The following WDR31 variants were observed in gnomAD, a reference collection of about 807,000 sequenced individuals.
WDR31 encodes the protein WD repeat-containing protein 31.
In WDR31, 30 loss-of-function variants were observed where a neutral mutation model predicts 47.3. That is an observed-to-expected ratio of 0.63 (90% CI 0.47 to 0.86). WDR31 has a LOEUF of 0.86. WDR31 is among the 40% of genes least tolerant of loss of function. The probability of loss-of-function intolerance (pLI) is 0.00; values close to 1 mark genes in which losing one functional copy is unlikely to be tolerated. For synonymous variants in WDR31, 137 were observed against 159.4 expected (o/e 0.86, Z 1.06); for missense variants, 406 against 442.9 (o/e 0.92, Z 0.75).
In WDR31 at chr9:113,321,469, A is replaced by T. The variant is rs773888513; in HGVS notation, c.638+42T>A. The stretch of plus-strand genomic sequence containing the variant: ...GAGCCATGTATGCATGGGAGCCACA[A>T]ACCTCACAAGAAACACTTTCACAGC... On this transcript the variant is annotated intron_variant, in intron 8 of 10. Coordinates refer to ENST00000374193, the MANE Select transcript of WDR31 (RefSeq NM_001012361.4). The T allele has an allele frequency of 3.1e-6, 5 of 1,602,628 alleles. No individual in the cohort carries two copies. The African/African-American group carries it at 6.7e-5, about 21-fold the overall frequency.
intron 1 of WDR31, among the ~76,000 whole-genome samples, chr9:113,337,905 C>T (rs1588053218): frequency 6.6e-6 from 1 of 152,290 alleles, no homozygotes; most frequent in Middle Eastern, 3.4e-3. Flanking sequence ...ACCTGTATGG[C>T]CATTTTGCAG....
intron 5 of WDR31, among the ~76,000 whole-genome samples, chr9:113,327,283 A>G (rs1833493646): frequency 2.0e-5 from 3 of 152,220 alleles, no homozygotes; most frequent in African/African-American, 7.2e-5. Context: ...TGTTATATGT[A>G]TATTTAAAAA....
chr9:113,327,959 G>C (rs1006909452), intron 5 of WDR31, among the ~76,000 whole-genome samples: 1 of 151,456 alleles, frequency 6.6e-6, no homozygotes, highest in African/African-American at 2.4e-5. Flanking sequence ...AAAAATTCCT[G>C]GCCTCAAATG....
At chr9:113,320,786 C>T (rs1833311219) in intron 8 of WDR31, among the ~76,000 whole-genome samples, 1 of 152,126 alleles carries the variant, frequency 6.6e-6, no homozygotes, top group African/African-American at 2.4e-5. Context: ...TAATTTGGTC[C>T]TTTGAGACAC....
intron 7 of WDR31, among the ~76,000 whole-genome samples, 162 bp from the exon 8 acceptor site, chr9:113,321,740 T>C (rs1031291839): frequency 6.6e-6 from 1 of 152,204 alleles, no homozygotes; most frequent in African/African-American, 2.4e-5. Context: ...CTATCAGTCA[T>C]GCTCTACCTG....
chr9:113,338,954 G>T (rs561712114), intron 1 of WDR31, among the ~76,000 whole-genome samples: 2 of 151,988 alleles, frequency 1.3e-5, no homozygotes. Context: ...CAACATAAGC[G>T]CCCTTTTAAC....
At chr9:113,324,816 CTA>C (rs1177166750) in intron 5 of WDR31, among the ~76,000 whole-genome samples, 1,793 of 128,244 alleles carry the variant, frequency 0.014, 37 homozygotes, top group African/African-American at 0.046. Context: ...AACAATGCTG[CTA>C]TATATATATA....
At chr9:113,338,722 G>A (rs888090436) in intron 1 of WDR31, among the ~76,000 whole-genome samples, 4 of 151,464 alleles carry the variant, frequency 2.6e-5, no homozygotes, top group African/African-American at 9.7e-5. Flanking sequence ...AGGTTCAAGC[G>A]ATTCTCCAGC....
intron 2 of WDR31, among the ~76,000 whole-genome samples, chr9:113,333,854 T>C (rs1357620839): frequency 1.3e-5 from 2 of 152,106 alleles, no homozygotes; most frequent in Non-Finnish European, 2.9e-5. Flanking sequence ...CCTGAGAGCC[T>C]TTCAGGGAGT....
intron 2 of WDR31, among the ~76,000 whole-genome samples, chr9:113,334,493 A>C (rs1306825858): frequency 6.6e-6 from 1 of 152,006 alleles, no homozygotes; most frequent in Non-Finnish European, 1.5e-5. Context: ...ATTAATAAGT[A>C]AATGTCTTTA....
rs572488452 is a variant in WDR31 at position 113,316,660 on chromosome 9, C to G, written c.*89G>C. The G allele has an allele frequency of 2.4e-5, 35 of 1,477,606 alleles. No homozygotes were observed. In the African/African-American group the frequency reaches 4.9e-4, roughly 21 times the overall value. 91.5% of individuals were successfully genotyped at this position (1,477,606 alleles called of 1,614,324 possible). ...TAAGCAAAGAATACCAGCCCTACAT[C>G]CCACTCCCCTCAAGATAACTGGGAA... On this transcript the variant is annotated 3_prime_UTR_variant, in exon 11 of 11. Coordinates refer to ENST00000374193, the MANE Select transcript of WDR31 (RefSeq NM_001012361.4).
At chr9:113,324,643 G>A (rs949047233) in intron 5 of WDR31, among the ~76,000 whole-genome samples, 2 of 151,940 alleles carry the variant, frequency 1.3e-5, no homozygotes, top group Non-Finnish European at 2.9e-5. Flanking sequence ...ACCTGCCTGG[G>A]CCTCCCACAA....
chr9:113,323,651 G>A (rs1308653301), intron 5 of WDR31, among the ~76,000 whole-genome samples: 1 of 152,218 alleles, frequency 6.6e-6, no homozygotes, highest in Non-Finnish European at 1.5e-5. Context: ...CTTTATCAAT[G>A]TTGTGCTACC....
rs781589978 is a variant in WDR31 at position 113,321,555 on chromosome 9, G to A, written c.594C>T (p.Pro198=). 6.2e-7 allele frequency: 1 copy of A among 1,614,056 alleles called. No homozygotes were observed. Among genetic ancestry groups the A allele is most frequent in the Non-Finnish European group, 8.5e-7 (1 of 1,180,026 alleles). ...RNVVTHLCWV[P]REPYILQTSE... ...AGGTCTGTAGTATGTATGGTTCTCTGGGGACCCAGCACAGGTGAGTGACCT... is the reference window on the plus strand; with the variant it reads ...AGGTCTGTAGTATGTATGGTTCTCTAGGGACCCAGCACAGGTGAGTGACCT... The change falls in exon 8 of 11, where the codon CCC becomes CCT. Residue 198 remains proline, a synonymous_variant. Transcript: ENST00000374193.
At chr9:113,331,515 T>C (rs1375911473) in intron 3 of WDR31, among the ~76,000 whole-genome samples, 4 of 152,210 alleles carry the variant, frequency 2.6e-5, no homozygotes, top group Non-Finnish European at 5.9e-5. Context: ...GTGGCACACA[T>C]GGCTCACTGC....
Position 113,320,302 on chromosome 9 carries a change from A to C in WDR31, c.780+55T>G. On this transcript the variant is annotated intron_variant, in intron 9 of 10. Transcript: ENST00000374193. ...AGCACAGCTACAGGCATGAGGCCAG[A>C]GTAAGTGATCTGTTCATCAGCAACC... 9.4e-6 allele frequency: 15 copies of C among 1,598,814 alleles called. No homozygotes were observed. The South Asian group carries it at 1.7e-4, about 18-fold the overall frequency.
chr9:113,339,311 C>T (rs1235288032), intron 1 of WDR31, among the ~76,000 whole-genome samples: 1 of 152,202 alleles, frequency 6.6e-6, no homozygotes, highest in East Asian at 1.9e-4. Context: ...CTGTGACTTG[C>T]TGAAGGTCAC....
Position 113,316,556 on chromosome 9 carries a change from TCTG to T in WDR31, c.*190_*192del. The stretch of plus-strand genomic sequence containing the variant: ...GAGAACCTTATGTGTAGTCCATGTT[TCTG>T]GACTCTATACCTGATTTTGAATCAC... On this transcript the variant is annotated 3_prime_UTR_variant, in exon 11 of 11. Coordinates refer to ENST00000374193, the MANE Select transcript of WDR31 (RefSeq NM_001012361.4). The T allele has an allele frequency of 1.6e-6, 1 of 621,694 alleles. No homozygotes were observed. Among genetic ancestry groups the T allele is most frequent in the Non-Finnish European group, 2.6e-6 (1 of 377,622 alleles). The allele number at this position is 621,694 out of a possible 1,614,324, so 38.5% of individuals were successfully genotyped here. A position where few individuals can be genotyped will look rare whatever the true frequency, so the allele number is the denominator to read the frequency against.
At chr9:113,327,772 C>A (rs1833510633) in intron 5 of WDR31, among the ~76,000 whole-genome samples, 1 of 152,088 alleles carries the variant, frequency 6.6e-6, no homozygotes, top group Admixed American at 6.6e-5. Flanking sequence ...GCCAACATAG[C>A]AAAACCCCAT....
Sources: gnomAD v4.1 joint callset for allele counts (sites outside exome capture counted in the v4.1 genomes callset) on GRCh38, gnomAD v4.1.1 for gene constraint, MANE v1.5 for transcripts, NCBI Gene and HGNC (gene_info 2026-07-23, HGNC 2026-07-21) for gene names.